Variants in SMYD3 observed in about 807,000 individuals in gnomAD.
The protein encoded by SMYD3 is SET and MYND domain containing 3.
SMYD3 carries 36 observed loss-of-function variants against 57.7 expected under a neutral mutation model. That is an observed-to-expected ratio of 0.62 (90% CI 0.48 to 0.82). The LOEUF (loss-of-function observed/expected upper bound fraction) is 0.82. SMYD3 is among the 40% of genes least tolerant of loss of function. SMYD3 has a pLI of 0.00. For synonymous variants in SMYD3, 211 were observed against 195.0 expected, an observed-to-expected ratio of 1.08 and a Z score of -0.68; for missense variants, 515 against 538.8, an observed-to-expected ratio of 0.96 and a Z score of 0.44.
At chr1:245,830,080 T>C (rs535931030) in intron 10 of SMYD3, among the ~76,000 whole-genome samples, 2 of 152,204 alleles carry the variant, frequency 1.3e-5, no homozygotes, top group South Asian at 4.2e-4. Context: ...AGCCACTGAG[T>C]AGTACACTTT....
Position 246,007,964 on chromosome 1 carries a change from G to A in SMYD3, c.532-78027C>T, listed in dbSNP as rs75527115. On this transcript the variant is annotated intron_variant, in intron 5 of 11. Coordinates refer to ENST00000490107, the MANE Select transcript of SMYD3 (RefSeq NM_001167740.2). ...ATCAGTTAACAATCCATTCCCCATG[G>A]ATAAGAAGGCTGTGATTTTTACACC... Among the ~76,000 whole-genome samples, 931 of 152,320 alleles carry A rather than the reference G, an allele frequency of 6.1e-3. 3 individuals are homozygous for A. The highest frequency in any genetic ancestry group is 0.01 in the Non-Finnish European group (682 of 68,028).
intron 1 of SMYD3, among the ~76,000 whole-genome samples, chr1:246,436,339 A>G (rs2103014631): frequency 6.6e-6 from 1 of 152,358 alleles, no homozygotes; most frequent in African/African-American, 2.4e-5. Context: ...ATTGAAGGCA[A>G]GAACTTTGTT....
At chr1:245,814,853 C>T (rs1161058403) in intron 10 of SMYD3, among the ~76,000 whole-genome samples, 3 of 147,962 alleles carry the variant, frequency 2.0e-5, no homozygotes, top group African/African-American at 7.9e-5. Context: ...TGCACGCACA[C>T]ACACGCAAGC....
chr1:245,907,990 G>T (rs2148633304), intron 8 of SMYD3, among the ~76,000 whole-genome samples: 1 of 152,234 alleles, frequency 6.6e-6, no homozygotes, highest in Admixed American at 6.5e-5. Context: ...ATAAAAATCA[G>T]CTGGGCGTGG....
intron 1 of SMYD3, among the ~76,000 whole-genome samples, chr1:246,405,020 C>T (rs2066838431): frequency 6.6e-6 from 1 of 152,154 alleles, no homozygotes; most frequent in South Asian, 2.1e-4. Flanking sequence ...AGTGCAATCA[C>T]GGCTCACTAC....
At chr1:245,843,025 T>A (rs572949222) in intron 10 of SMYD3, among the ~76,000 whole-genome samples, 7 of 152,346 alleles carry the variant, frequency 4.6e-5, no homozygotes, top group Admixed American at 3.9e-4. Context: ...TGTATTTTTT[T>A]AAAATAAAAA....
chr1:246,227,831 C>G (rs2063351220), intron 5 of SMYD3, among the ~76,000 whole-genome samples: 1 of 151,920 alleles, frequency 6.6e-6, no homozygotes, highest in South Asian at 2.1e-4. Flanking sequence ...CATAAGTATT[C>G]AAATAATTTC....
At chr1:245,781,796 C>G (rs1048929531) in intron 10 of SMYD3, among the ~76,000 whole-genome samples, 2 of 151,938 alleles carry the variant, frequency 1.3e-5, no homozygotes, top group African/African-American at 4.8e-5. Flanking sequence ...ACGGTGAAAC[C>G]CCGTCTCCAC....
At chr1:246,146,216 G>A (rs1179697245) in intron 5 of SMYD3, among the ~76,000 whole-genome samples, 1 of 152,192 alleles carries the variant, frequency 6.6e-6, no homozygotes, top group Non-Finnish European at 1.5e-5. Context: ...AGGAAGAACA[G>A]GGAAGTGAAT....
At chr1:246,266,216 G>C (rs970744348) in intron 5 of SMYD3, among the ~76,000 whole-genome samples, 2 of 152,082 alleles carry the variant, frequency 1.3e-5, no homozygotes, top group South Asian at 4.1e-4. Context: ...TAGGAAGTTT[G>C]GCTTTCTTTT....
At chr1:246,035,537 C>T (rs77172829) in intron 5 of SMYD3, 2,311 of 152,244 alleles carry the variant, frequency 0.015, 33 homozygotes, top group African/African-American at 0.035. Flanking sequence ...CAGATGTATC[C>T]GAATCGCATT....
In SMYD3 at chr1:245,977,135, A is replaced by G. The variant is rs142700414; in HGVS notation, c.532-47198T>C. 1.9e-3 allele frequency among the ~76,000 whole-genome samples: 284 copies of G among 152,210 alleles called. 1 individual carries two copies. The highest frequency in any genetic ancestry group is 4.3e-3 in the South Asian group (21 of 4,832). On this transcript the variant is annotated intron_variant, in intron 5 of 11. Coordinates refer to ENST00000490107, the MANE Select transcript of SMYD3 (RefSeq NM_001167740.2). ...GCTTGACCCCTTGAATCCATTCTCT[A>G]TATACTTCTCTAGACAGAATTAGAA...
chr1:246,399,479 T>G (rs538346028), intron 1 of SMYD3, among the ~76,000 whole-genome samples: 51 of 152,210 alleles, frequency 3.4e-4, no homozygotes, highest in South Asian at 2.5e-3. Context: ...GGACTACAGA[T>G]GTGTGCCACC....
chr1:245,891,873 T>C (rs995146257), intron 8 of SMYD3, among the ~76,000 whole-genome samples: 1 of 152,032 alleles, frequency 6.6e-6, no homozygotes, highest in Non-Finnish European at 1.5e-5. Flanking sequence ...TGAGACTCCA[T>C]CTCTACAAAA....
At chr1:246,033,058 C>T (rs981915739) in intron 5 of SMYD3, among the ~76,000 whole-genome samples, 2 of 152,134 alleles carry the variant, frequency 1.3e-5, no homozygotes, top group African/African-American at 4.8e-5. Context: ...GAGCATTTAT[C>T]CCAAAGACAT....
chr1:245,994,208 C>T (rs997589940), intron 5 of SMYD3, among the ~76,000 whole-genome samples: 5 of 152,198 alleles, frequency 3.3e-5, no homozygotes, highest in African/African-American at 1.2e-4. Context: ...TAAGTGCATT[C>T]CATTTCTAAA....
At chr1:246,085,062 A>C (rs926275684) in intron 5 of SMYD3, among the ~76,000 whole-genome samples, 2 of 152,188 alleles carry the variant, frequency 1.3e-5, no homozygotes, top group African/African-American at 2.4e-5. Flanking sequence ...AAAGCTGTAC[A>C]TCCTAAAGAA....
chr1:246,469,992 T>C (rs1471027510), intron 1 of SMYD3, among the ~76,000 whole-genome samples: 1 of 152,198 alleles, frequency 6.6e-6, no homozygotes, highest in Non-Finnish European at 1.5e-5. Context: ...ACTACATAAA[T>C]ACTGTCTTAT....
chr1:246,277,684 C>G (rs150275440), intron 5 of SMYD3, among the ~76,000 whole-genome samples: 1 of 152,182 alleles, frequency 6.6e-6, no homozygotes, highest in South Asian at 2.1e-4. Flanking sequence ...TACAGACCAC[C>G]GCTCAGTAAT....
Sources: gnomAD v4.1 joint callset for allele counts (sites outside exome capture counted in the v4.1 genomes callset) on GRCh38, gnomAD v4.1.1 for gene constraint, MANE v1.5 for transcripts, NCBI Gene and HGNC (gene_info 2026-07-23, HGNC 2026-07-21) for gene names.